The following HIPK2 variants were observed in gnomAD, a reference collection of about 807,000 sequenced individuals.
The protein encoded by HIPK2 is homeodomain interacting protein kinase 2, also known as homeodomain-interacting protein kinase 2.
A neutral mutation model predicts 113.7 loss-of-function variants in HIPK2; 27 were observed. That is an observed-to-expected ratio of 0.24 (90% CI 0.17 to 0.33). HIPK2 has a LOEUF of 0.33. Ranked by LOEUF, HIPK2 falls within the 10% of genes least tolerant of loss-of-function variation. HIPK2 has a pLI of 1.00. For synonymous variants in HIPK2, 631 were observed against 642.2 expected (o/e 0.98, Z 0.26); for missense variants, 1,257 against 1,588.0 (o/e 0.79, Z 3.54).
chr7:139,774,359 A>C (rs1230032569), intron 1 of HIPK2, among the ~76,000 whole-genome samples: 7 of 152,250 alleles, frequency 4.6e-5, no homozygotes, highest in Non-Finnish European at 1.0e-4. Flanking sequence ...CTCTGATTCA[A>C]GTATCATAGC....
rs1362757089 is a variant in HIPK2 at position 139,626,711 on chromosome 7, C to T, written c.1509G>A (p.Leu503=). 3 of 1,613,972 alleles carry T rather than the reference C, an allele frequency of 1.9e-6. No homozygotes were observed. The highest frequency in any genetic ancestry group is 2.7e-5 in the African/African-American group (2 of 75,014). ...EKADRREFID[L]LKKMLTIDAD... ...CATCAATGGTCAGCATCTTCTTCAA[C>T]AGGTCAATGAACTCCCGCCGGTCAG... is the stretch of plus-strand genomic sequence containing the variant. The change falls in exon 6 of 15, where the codon CTG becomes CTA. Residue 503 remains leucine, a synonymous_variant. Coordinates refer to ENST00000406875, the MANE Select transcript of HIPK2 (RefSeq NM_022740.5).
Position 139,716,033 on chromosome 7 carries a change from A to T in HIPK2, c.1002T>A (p.Asp334Glu). 3.1e-6 allele frequency: 5 copies of T among 1,614,138 alleles called. No homozygotes were observed. The highest frequency in any genetic ancestry group is 4.2e-6 in the Non-Finnish European group (5 of 1,180,000). Residue 334 changes from aspartate to glutamate, a missense_variant, in exon 2 of 15, where the codon GAT becomes GAA. Around this residue, in one of 5 missense-constraint regions of HIPK2, gnomAD observed 84 missense variants for 182.2 expected, o/e 0.46. Coordinates refer to ENST00000406875, the MANE Select transcript of HIPK2 (RefSeq NM_022740.5). This position sits in a 1 kb window ranked among gnomAD's most constrained non-coding sequence, Gnocchi z 9.3. ...DLKPENIMLVDPSRQPYRVKV... is the reference protein window; with the variant it reads ...DLKPENIMLVEPSRQPYRVKV... ...TGACTCTGTATGGTTGTCTAGATGG[A>T]TCCACCAGCATGATGTTTTCTGGTT...
intron 6 of HIPK2, 29 bp from the exon 7 acceptor site, chr7:139,620,592 G>A: frequency 6.2e-7 from 1 of 1,611,380 alleles, no homozygotes; most frequent in South Asian, 1.1e-5. Context: ...GAGGCATATT[G>A]AGACATAAGG....
Position 139,714,619 on chromosome 7 carries a change from C to T in HIPK2, c.1103+1313G>A. 6.6e-6 allele frequency among the ~76,000 whole-genome samples: 1 copy of T among 152,222 alleles called. No homozygotes were observed. The highest frequency in any genetic ancestry group is 1.9e-4 in the East Asian group (1 of 5,182). ...CCTTGAAAGGCGCATGGAGAAAGCA[C>T]ACGGGCAAGCGAGCGTGCTTGCTTG... is the stretch of plus-strand genomic sequence containing the variant. On this transcript the variant is annotated intron_variant, in intron 2 of 14. Transcript: ENST00000406875. This position sits in a 1 kb window ranked among gnomAD's most constrained non-coding sequence, Gnocchi z 4.2.
At chr7:139,696,582 C>CAAA (rs1334825673) in intron 2 of HIPK2, among the ~76,000 whole-genome samples, 3 of 146,114 alleles carry the variant, frequency 2.1e-5, no homozygotes, top group Admixed American at 6.8e-5. Context: ...GACCCTGCCT[C>CAAA]AAAAAAAAAA....
At chr7:139,669,834 G>C (rs1013963050) in intron 2 of HIPK2, among the ~76,000 whole-genome samples, 5 of 152,092 alleles carry the variant, frequency 3.3e-5, no homozygotes, top group African/African-American at 9.7e-5. Context: ...TAAATATAAA[G>C]AGCTATTGAT....
At chr7:139,655,600 T>G (rs1801639018) in intron 2 of HIPK2, among the ~76,000 whole-genome samples, 1 of 152,206 alleles carries the variant, frequency 6.6e-6, no homozygotes, top group African/African-American at 2.4e-5. Flanking sequence ...CTTCTTCCTT[T>G]AAGGTGGCAA....
intron 2 of HIPK2, among the ~76,000 whole-genome samples, chr7:139,663,215 C>G (rs1258342213): frequency 6.6e-6 from 1 of 152,246 alleles, no homozygotes; most frequent in East Asian, 1.9e-4. Context: ...CAGTTCTGGT[C>G]TCCACTGACC....
chr7:139,744,918 A>C (rs750850185), intron 1 of HIPK2, among the ~76,000 whole-genome samples: 1 of 152,250 alleles, frequency 6.6e-6, no homozygotes, highest in Non-Finnish European at 1.5e-5. Context: ...ATAAAATGCT[A>C]GTGCTGGAAG....
chr7:139,616,622 T>C (rs1388866696), intron 7 of HIPK2, among the ~76,000 whole-genome samples: 1 of 152,222 alleles, frequency 6.6e-6, no homozygotes, highest in Non-Finnish European at 1.5e-5. Context: ...ACATGCCCCA[T>C]TGTGAAACCC....
chr7:139,668,362 C>T (rs2116611534), intron 2 of HIPK2, among the ~76,000 whole-genome samples: 1 of 152,098 alleles, frequency 6.6e-6, no homozygotes, highest in African/African-American at 2.4e-5. Flanking sequence ...GAGATCAAGA[C>T]CATCCTGGCT....
At chr7:139,754,801 G>A (rs1796338336) in intron 1 of HIPK2, among the ~76,000 whole-genome samples, 1 of 152,120 alleles carries the variant, frequency 6.6e-6, no homozygotes, top group Non-Finnish European at 1.5e-5. Flanking sequence ...GAGAAGGAGA[G>A]ACGATGATGG....
chr7:139,634,674 GTTT>G (rs1181829827), intron 2 of HIPK2, among the ~76,000 whole-genome samples: 10 of 113,646 alleles, frequency 8.8e-5, no homozygotes, highest in African/African-American at 2.8e-4. Context: ...TCTGTTTCAG[GTTT>G]TTTTTTTTTT....
chr7:139,625,848 C>T (rs1456369544), intron 6 of HIPK2, among the ~76,000 whole-genome samples: 6 of 152,170 alleles, frequency 3.9e-5, no homozygotes, highest in South Asian at 2.1e-4. Flanking sequence ...GCACACAGCA[C>T]GCTGAAGAAA....
At chr7:139,629,909 T>C (rs1353622116) in intron 4 of HIPK2, among the ~76,000 whole-genome samples, 1 of 152,016 alleles carries the variant, frequency 6.6e-6, no homozygotes, top group Non-Finnish European at 1.5e-5. Context: ...ACCCTCACAG[T>C]TGCCAAATGC....
intron 9 of HIPK2, among the ~76,000 whole-genome samples, chr7:139,606,158 TCAGA>T (rs1799609174): frequency 6.6e-6 from 1 of 152,242 alleles, no homozygotes; most frequent in Admixed American, 6.5e-5. Flanking sequence ...CAACGCTTCA[TCAGA>T]CATTTTTATA....
At position 139,587,157 on chromosome 7, in the gene HIPK2, G is replaced by A. The variant is rs564178158; in HGVS notation, c.2718-3093C>T. Reference sequence around the variant, plus strand: ...ACTGAATTGTACACATTCAACGGGTGAACTATACAGTACAGTACATGAATT... The same window carrying A: ...ACTGAATTGTACACATTCAACGGGTAAACTATACAGTACAGTACATGAATT... On this transcript the variant is annotated intron_variant, in intron 12 of 14. Transcript: ENST00000406875. 2.6e-5 allele frequency among the ~76,000 whole-genome samples: 4 copies of A among 152,210 alleles called. No individual in the cohort carries two copies. The South Asian group carries it at 8.3e-4, about 32-fold the overall frequency.
chr7:139,648,607 G>A (rs142164027), intron 2 of HIPK2, among the ~76,000 whole-genome samples: 40 of 152,194 alleles, frequency 2.6e-4, no homozygotes, highest in African/African-American at 9.4e-4. Context: ...GCACCTTCAC[G>A]TCCGGTTAAA....
intron 13 of HIPK2, among the ~76,000 whole-genome samples, chr7:139,579,753 G>T (rs767475260): frequency 6.6e-6 from 1 of 152,064 alleles, no homozygotes; most frequent in Non-Finnish European, 1.5e-5. Context: ...GTGAGCTGCC[G>T]CAGTGGGGAT....
Sources: allele counts gnomAD v4.1 joint callset (sites outside exome capture counted in the v4.1 genomes callset), GRCh38; gene constraint gnomAD v4.1.1; regional missense constraint gnomAD v4.1.1; non-coding constraint Gnocchi (gnomAD v3.1); transcripts MANE v1.5; gene names NCBI Gene and HGNC (gene_info 2026-07-23, HGNC 2026-07-21).